Variants in CNTNAP4 observed in about 807,000 individuals in gnomAD.
CNTNAP4 encodes contactin associated protein family member 4.
Under a neutral mutation model 148.4 loss-of-function variants are expected in CNTNAP4, and 98 were observed. The ratio of observed to expected loss-of-function variants is 0.66; its 90% CI spans 0.56 to 0.78. The LOEUF is 0.78. Ranked by LOEUF, CNTNAP4 falls within the 30% of genes least tolerant of loss-of-function variation. The pLI is 0.00. For synonymous variants in CNTNAP4, 730 were observed against 565.1 expected, an observed-to-expected ratio of 1.29 and a Z score of -4.14; for missense variants, 1,935 against 1,565.6, an observed-to-expected ratio of 1.24 and a Z score of -3.98.
At chr16:76,494,186 G>T (rs758541634) in intron 13 of CNTNAP4, among the ~76,000 whole-genome samples, 21 of 151,586 alleles carry the variant, frequency 1.4e-4, no homozygotes, top group African/African-American at 5.1e-4. Flanking sequence ...ACTTGGCATC[G>T]TGTTTAGTCT....
At chr16:76,551,137 C>T (rs369184969) in intron 21 of CNTNAP4, among the ~76,000 whole-genome samples, 20 of 152,146 alleles carry the variant, frequency 1.3e-4, no homozygotes, top group African/African-American at 2.2e-4. Context: ...TGGCCAGGTG[C>T]GGTGGTTCAT....
chr16:76,378,703 G>A (rs1377805398), intron 3 of CNTNAP4, among the ~76,000 whole-genome samples: 2 of 152,130 alleles, frequency 1.3e-5, no homozygotes, highest in East Asian at 3.9e-4. Context: ...AGCTTTCTAG[G>A]TGCATCTCAC....
chr16:76,410,017 TAAAG>T (rs1267649972), intron 3 of CNTNAP4, among the ~76,000 whole-genome samples: 2 of 151,986 alleles, frequency 1.3e-5, no homozygotes, highest in Admixed American at 6.6e-5. Flanking sequence ...AATTTATAGA[TAAAG>T]AAACTGAGGT....
chr16:76,357,139 C>G (rs1045332594), intron 3 of CNTNAP4, among the ~76,000 whole-genome samples: 1 of 151,614 alleles, frequency 6.6e-6, no homozygotes, highest in Non-Finnish European at 1.5e-5. Flanking sequence ...GCCACTCAAA[C>G]TAGGGATAAA....
chr16:76,312,743 A>T (rs1961271927), intron 1 of CNTNAP4, among the ~76,000 whole-genome samples: 1 of 152,152 alleles, frequency 6.6e-6, no homozygotes, highest in Non-Finnish European at 1.5e-5. Flanking sequence ...CACGTTATAG[A>T]TACGGTTCTA....
At chr16:76,296,267 C>T (rs1030474714) in intron 1 of CNTNAP4, among the ~76,000 whole-genome samples, 17 of 152,124 alleles carry the variant, frequency 1.1e-4, no homozygotes, top group Non-Finnish European at 1.0e-4. Flanking sequence ...GTGATTCTTC[C>T]GCAACACAGA....
chr16:76,336,480 C>G (rs541874366), intron 2 of CNTNAP4, among the ~76,000 whole-genome samples: 18 of 152,252 alleles, frequency 1.2e-4, no homozygotes, highest in African/African-American at 4.3e-4. Context: ...TACCAGCATA[C>G]CACTGATCAG....
At chr16:76,349,514 C>G (rs1403622469) in intron 2 of CNTNAP4, among the ~76,000 whole-genome samples, 1 of 152,072 alleles carries the variant, frequency 6.6e-6, no homozygotes, top group Non-Finnish European at 1.5e-5. Flanking sequence ...ACACGGCACA[C>G]CATTTAAGGG....
chr16:76,286,469 C>T (rs1313067435), intron 1 of CNTNAP4, among the ~76,000 whole-genome samples: 4 of 151,934 alleles, frequency 2.6e-5, no homozygotes, highest in South Asian at 2.1e-4. Context: ...TACCCTTTTG[C>T]GATCTCAAAG....
chr16:76,359,216 G>C (rs777471015), intron 3 of CNTNAP4, among the ~76,000 whole-genome samples: 22 of 152,084 alleles, frequency 1.4e-4, no homozygotes, highest in Non-Finnish European at 2.1e-4. Flanking sequence ...AGGTATTATA[G>C]GATGTATACC....
At chr16:76,380,261 G>A (rs2015832077) in intron 3 of CNTNAP4, among the ~76,000 whole-genome samples, 2 of 152,176 alleles carry the variant, frequency 1.3e-5, no homozygotes, top group Non-Finnish European at 2.9e-5. Flanking sequence ...GTTGAAGAAG[G>A]TGACAGACAT....
At chr16:76,405,480 G>C (rs1012708957) in intron 3 of CNTNAP4, among the ~76,000 whole-genome samples, 14 of 152,238 alleles carry the variant, frequency 9.2e-5, no homozygotes, top group Admixed American at 8.5e-4. Context: ...GCTTACTGTT[G>C]ACTGGAAGCT....
intron 15 of CNTNAP4, among the ~76,000 whole-genome samples, chr16:76,501,391 A>G (rs923006554): frequency 1.3e-5 from 2 of 151,852 alleles, no homozygotes; most frequent in African/African-American, 4.8e-5. Context: ...ATTAGCCAAA[A>G]CCCCTGCCTA....
chr16:76,461,790 T>C (rs1338856686), intron 8 of CNTNAP4, among the ~76,000 whole-genome samples, 166 bp from the exon 9 acceptor site: 1 of 152,208 alleles, frequency 6.6e-6, no homozygotes, highest in African/African-American at 2.4e-5. Context: ...ACATAGAGGA[T>C]GCTCATTTCC....
At chr16:76,433,142 C>CT (rs2079672624) in intron 4 of CNTNAP4, among the ~76,000 whole-genome samples, 1 of 152,032 alleles carries the variant, frequency 6.6e-6, no homozygotes, top group South Asian at 2.1e-4. Flanking sequence ...ACCAGACATT[C>CT]TTTTTTTGTT....
Position 76,374,086 on chromosome 16 carries a change from G to A in CNTNAP4, c.390+18575G>A, listed in dbSNP as rs2015160558. 2.6e-5 allele frequency among the ~76,000 whole-genome samples: 4 copies of A among 152,212 alleles called. No homozygotes were observed. The South Asian group carries it at 8.3e-4, about 32-fold the overall frequency. On this transcript the variant is annotated intron_variant, in intron 3 of 23. Transcript: ENST00000611870. ...ATTCTTTCATTTTGGGTTGCTTCAT[G>A]TTAATTTCTCATACTGAAACGTTGT...
chr16:76,541,560 A>G (rs1286568808), intron 21 of CNTNAP4, among the ~76,000 whole-genome samples: 3 of 152,100 alleles, frequency 2.0e-5, no homozygotes, highest in Non-Finnish European at 4.4e-5. Context: ...TTTGACACTA[A>G]TCTGAAATAT....
chr16:76,348,443 A>G (rs1965097189), intron 2 of CNTNAP4, among the ~76,000 whole-genome samples: 1 of 152,132 alleles, frequency 6.6e-6, no homozygotes, highest in African/African-American at 2.4e-5. Flanking sequence ...CGGGGAGTGA[A>G]TGCAGAGAGA....
intron 4 of CNTNAP4, among the ~76,000 whole-genome samples, chr16:76,433,505 A>C (rs974634596): frequency 2.0e-5 from 3 of 152,160 alleles, no homozygotes; most frequent in African/African-American, 7.2e-5. Flanking sequence ...ATAATAAACT[A>C]TAAAGTTGGA....
Sources: allele counts gnomAD v4.1 joint callset (sites outside exome capture counted in the v4.1 genomes callset), GRCh38; gene constraint gnomAD v4.1.1; transcripts MANE v1.5; gene names NCBI Gene and HGNC (gene_info 2026-07-23, HGNC 2026-07-21).